Variants in AQP9 observed in about 807,000 individuals in gnomAD.
AQP9 encodes aquaporin-9.
In AQP9, 19 loss-of-function variants were observed where a neutral mutation model predicts 23.8. The ratio of observed to expected loss-of-function variants is 0.80; its 90% confidence interval spans 0.56 to 1.17. The LOEUF (loss-of-function observed/expected upper bound fraction) is 1.17. AQP9 is among the 50% of genes most tolerant of loss of function. The pLI, the probability that AQP9 is intolerant of heterozygous loss-of-function variation, is 0.00. For missense variants in AQP9, 413 were observed against 362.0 expected, an observed-to-expected ratio of 1.14 and a Z score of -1.14; for synonymous variants, 153 against 131.5, an observed-to-expected ratio of 1.16 and a Z score of -1.12.
rs140531334 is a variant in AQP9, at chr15:58,162,726, G to A, written c.112-3947G>A. The stretch of plus-strand genomic sequence containing the variant: ...ATATTGTAAAGAAGCCAGGCCCCAC[G>A]GAGAAGCCATTTGTAAGCCCCAGCT... On this transcript the variant is annotated intron_variant, in intron 1 of 5. Coordinates refer to ENST00000219919, the MANE Select transcript of AQP9 (RefSeq NM_020980.5). 2.4e-3 allele frequency among the ~76,000 whole-genome samples: 372 copies of A among 152,234 alleles called. 2 individuals carry two copies. The highest frequency in any genetic ancestry group is 0.016 in the East Asian group (82 of 5,170).
At chr15:58,166,057 T>C (rs1488622524) in intron 1 of AQP9, among the ~76,000 whole-genome samples, 1 of 152,200 alleles carries the variant, frequency 6.6e-6, no homozygotes, top group East Asian at 1.9e-4. Flanking sequence ...TTCCCCTTTA[T>C]TGGATGTGTG....
In AQP9 at chr15:58,184,172, A is replaced by G. The variant is rs1595750165; in HGVS notation, c.*37A>G. On this transcript the variant is annotated 3_prime_UTR_variant, in exon 6 of 6. Coordinates refer to ENST00000219919, the MANE Select transcript of AQP9 (RefSeq NM_020980.5). ...GCTCTGGATTTGCAGTCAGTTTGGGATTCTCTTCAGAAAGATGGCATCTAA... is the reference window on the plus strand; with the variant it reads ...GCTCTGGATTTGCAGTCAGTTTGGGGTTCTCTTCAGAAAGATGGCATCTAA... 6.3e-6 allele frequency: 10 copies of G among 1,597,924 alleles called. No individual in the cohort carries two copies. Among genetic ancestry groups the G allele is most frequent in the Non-Finnish European group, 8.6e-6 (10 of 1,168,910 alleles).
intron 2 of AQP9, among the ~76,000 whole-genome samples, chr15:58,170,570 A>C (rs1310069028): frequency 1.3e-5 from 2 of 151,902 alleles, no homozygotes; most frequent in Non-Finnish European, 2.9e-5. Flanking sequence ...ATGCCCAGCA[A>C]ATTTTTGTAT....
intron 1 of AQP9, among the ~76,000 whole-genome samples, chr15:58,145,856 AT>A (rs1474846816): frequency 8.5e-5 from 13 of 152,152 alleles, no homozygotes; most frequent in Non-Finnish European, 1.8e-4. Flanking sequence ...CTTTGTCTGA[AT>A]GTGTCTATTT....
chr15:58,182,192 T>C (rs1898904021), intron 5 of AQP9, among the ~76,000 whole-genome samples: 1 of 152,238 alleles, frequency 6.6e-6, no homozygotes, highest in African/African-American at 2.4e-5. Context: ...TTCACATTGT[T>C]AATGACTTAA....
At chr15:58,147,307 A>T (rs1475226982) in intron 1 of AQP9, among the ~76,000 whole-genome samples, 1 of 152,164 alleles carries the variant, frequency 6.6e-6, no homozygotes, top group Non-Finnish European at 1.5e-5. Context: ...AAAGGAAAAC[A>T]TACTAATGAG....
At chr15:58,172,414 T>A (rs1264108016) in intron 2 of AQP9, among the ~76,000 whole-genome samples, 1 of 152,162 alleles carries the variant, frequency 6.6e-6, no homozygotes, top group East Asian at 1.9e-4. Flanking sequence ...TGGATGCAAG[T>A]CAAGGAAGCC....
intron 1 of AQP9, among the ~76,000 whole-genome samples, chr15:58,140,930 G>T (rs1383383977): frequency 6.6e-6 from 1 of 152,108 alleles, no homozygotes; most frequent in Non-Finnish European, 1.5e-5. Flanking sequence ...GGTGCTAAAA[G>T]GTTGGGAACA....
At chr15:58,181,149 A>C (rs1441408315) in intron 5 of AQP9, among the ~76,000 whole-genome samples, 2 of 152,176 alleles carry the variant, frequency 1.3e-5, no homozygotes, top group Non-Finnish European at 2.9e-5. Flanking sequence ...TGCTCTGTTA[A>C]GTATATGTTA....
In AQP9 at chr15:58,178,040, C is replaced by T. The variant is rs570306205; in HGVS notation, c.496-1088C>T. On this transcript the variant is annotated intron_variant, in intron 4 of 5. Transcript: ENST00000219919. ...CTTGTCATTATTCCCTAAACAATACCGTATTCACATTATATCAGATATTAT... is the reference window on the plus strand; with the variant it reads ...CTTGTCATTATTCCCTAAACAATACTGTATTCACATTATATCAGATATTAT... Among the ~76,000 whole-genome samples the T allele has an allele frequency of 1.6e-4, 24 of 152,124 alleles. No homozygotes were observed. The East Asian group carries it at 3.1e-3, about 20-fold the overall frequency.
In AQP9 at chr15:58,184,225, G is replaced by A. The variant is rs1898963043; in HGVS notation, c.*90G>A. ...GTCTGTGTTCTTGTAAGCCTGAGGT[G>A]GAATCCACCCAGTTTTGTCTGCTAG... On this transcript the variant is annotated 3_prime_UTR_variant, in exon 6 of 6. Coordinates refer to ENST00000219919, the MANE Select transcript of AQP9 (RefSeq NM_020980.5). 1.4e-6 allele frequency: 2 copies of A among 1,387,716 alleles called. No homozygotes were observed. The highest frequency in any genetic ancestry group is 2.7e-5 in the South Asian group (2 of 73,450). The allele number at this position is 1,387,716 out of a possible 1,614,324, so 86.0% of individuals were successfully genotyped here.
intron 1 of AQP9, among the ~76,000 whole-genome samples, chr15:58,147,890 GCACA>G (rs112161250): frequency 2.7e-5 from 4 of 150,294 alleles, no homozygotes; most frequent in Admixed American, 6.6e-5. Context: ...ATAAACACAT[GCACA>G]CACACACACA....
At chr15:58,167,782 G>A (rs574832704) in intron 2 of AQP9, among the ~76,000 whole-genome samples, 3 of 152,046 alleles carry the variant, frequency 2.0e-5, no homozygotes, top group African/African-American at 7.3e-5. Flanking sequence ...GAGCACAATG[G>A]CACGATCTTG....
At chr15:58,144,068 C>A (rs1566979708) in intron 1 of AQP9, among the ~76,000 whole-genome samples, 1 of 152,188 alleles carries the variant, frequency 6.6e-6, no homozygotes, top group Non-Finnish European at 1.5e-5. Flanking sequence ...GTACTCAATT[C>A]CAGTGCAGTG....
intron 1 of AQP9, among the ~76,000 whole-genome samples, chr15:58,145,589 A>C (rs1199077710): frequency 6.6e-6 from 1 of 152,078 alleles, no homozygotes; most frequent in African/African-American, 2.4e-5. Flanking sequence ...TTCTAACTCC[A>C]ATCAACCACT....
chr15:58,157,380 T>C (rs1057335693), intron 1 of AQP9, among the ~76,000 whole-genome samples: 33 of 152,298 alleles, frequency 2.2e-4, no homozygotes, highest in African/African-American at 4.8e-4. Context: ...TGGGTGAGAC[T>C]TGGAGGTATT....
At chr15:58,165,931 C>G (rs1406172406) in intron 1 of AQP9, among the ~76,000 whole-genome samples, 2 of 152,204 alleles carry the variant, frequency 1.3e-5, no homozygotes, top group Non-Finnish European at 2.9e-5. Context: ...ACAGCCCCAT[C>G]AGGGAGAAAA....
At chr15:58,160,152 A>G (rs1898344884) in intron 1 of AQP9, among the ~76,000 whole-genome samples, 1 of 152,144 alleles carries the variant, frequency 6.6e-6, no homozygotes, top group South Asian at 2.1e-4. Context: ...CTCTTTCTCC[A>G]CATCCATTAT....
intron 2 of AQP9, 45 bp from the exon 3 acceptor site, chr15:58,173,023 C>T (rs1898656405): frequency 4.3e-6 from 7 of 1,611,222 alleles, no homozygotes; most frequent in Non-Finnish European, 5.9e-6. Flanking sequence ...TCTGTATATT[C>T]TTCTTCCTAA....
Sources: allele counts gnomAD v4.1 joint callset (sites outside exome capture counted in the v4.1 genomes callset), GRCh38; gene constraint gnomAD v4.1.1; transcripts MANE v1.5; gene names NCBI Gene and HGNC (gene_info 2026-07-23, HGNC 2026-07-21).